Variants in PRKCQ observed in about 807,000 individuals in gnomAD.
PRKCQ encodes the protein protein kinase C theta.
In PRKCQ, 41 loss-of-function variants were observed where a neutral mutation model predicts 91.2. That is an observed-to-expected ratio of 0.45 (90% CI 0.35 to 0.58). PRKCQ has a LOEUF of 0.58. PRKCQ is among the 20% of genes least tolerant of loss of function. The pLI is 0.00. For missense variants in PRKCQ, 673 were observed against 896.5 expected, an observed-to-expected ratio of 0.75 and a Z score of 3.18; for synonymous variants, 307 against 316.9, an observed-to-expected ratio of 0.97 and a Z score of 0.33.
chr10:6,520,689 GT>G (rs1838968688), intron 1 of PRKCQ, among the ~76,000 whole-genome samples: 1 of 152,110 alleles, frequency 6.6e-6, no homozygotes, highest in Admixed American at 6.5e-5. Context: ...TCCATGGGAA[GT>G]TCTCAGCCCT....
chr10:6,568,793 C>T (rs548287882), intron 1 of PRKCQ, among the ~76,000 whole-genome samples: 133 of 152,140 alleles, frequency 8.7e-4, no homozygotes, highest in African/African-American at 3.0e-3. Context: ...CCACCGCGCC[C>T]GGCCAGTTTA....
In PRKCQ at chr10:6,455,054, A is replaced by G. The variant is rs1834935934; in HGVS notation, c.1647+1620T>C. On this transcript the variant is annotated intron_variant, in intron 15 of 17. Transcript: ENST00000263125. ...AGGTGTTGCAAGGTGAAGAGGAAAG[A>G]AATTGAGATGGCTCAGGTGAGGCTG... is the stretch of plus-strand genomic sequence containing the variant. 1.3e-5 allele frequency among the ~76,000 whole-genome samples: 2 copies of G among 152,170 alleles called. 1 individual carries two copies. Among genetic ancestry groups the G allele is most frequent in the South Asian group, 4.1e-4 (2 of 4,834 alleles).
intron 16 of PRKCQ, among the ~76,000 whole-genome samples, chr10:6,439,808 G>C (rs1833876669): frequency 6.6e-6 from 1 of 152,126 alleles, no homozygotes. Context: ...TAGGTTATTG[G>C]TGGTCGTTTT....
chr10:6,444,050 C>T (rs979847317), intron 15 of PRKCQ, among the ~76,000 whole-genome samples: 1 of 152,082 alleles, frequency 6.6e-6, no homozygotes, highest in Admixed American at 6.6e-5. Context: ...GATTGCACAA[C>T]TATACAATAC....
intron 16 of PRKCQ, among the ~76,000 whole-genome samples, chr10:6,435,824 T>C (rs981417499): frequency 2.0e-5 from 3 of 152,232 alleles, no homozygotes; most frequent in African/African-American, 7.2e-5. Flanking sequence ...CATTTAGAAC[T>C]TCTTTTTACT....
intron 1 of PRKCQ, among the ~76,000 whole-genome samples, chr10:6,519,907 T>C (rs1456730559): frequency 6.6e-6 from 1 of 152,186 alleles, no homozygotes; most frequent in Non-Finnish European, 1.5e-5. Context: ...CTTTCCCTCT[T>C]TGAAGAGAGA....
chr10:6,468,693 G>A (rs570355941), intron 12 of PRKCQ, among the ~76,000 whole-genome samples: 151 of 152,260 alleles, frequency 9.9e-4, no homozygotes, highest in African/African-American at 3.4e-3. Flanking sequence ...TTTTACACAA[G>A]AGAATATTTG....
chr10:6,429,788 T>C (rs1008374017), intron 17 of PRKCQ, among the ~76,000 whole-genome samples: 1 of 145,034 alleles, frequency 6.9e-6, no homozygotes, highest in Non-Finnish European at 1.5e-5. Flanking sequence ...CAGGCTGGAG[T>C]GCAGTGGTGT....
intron 12 of PRKCQ, among the ~76,000 whole-genome samples, chr10:6,475,837 G>A (rs1167942795): frequency 6.6e-6 from 1 of 152,206 alleles, no homozygotes; most frequent in African/African-American, 2.4e-5. Flanking sequence ...CGGGGTGTTG[G>A]AAAAGGTGAT....
intron 12 of PRKCQ, among the ~76,000 whole-genome samples, chr10:6,473,048 G>A (rs61321138): frequency 0.017 from 2,575 of 152,244 alleles, 80 homozygotes; most frequent in African/African-American, 0.059. Context: ...TCTTGTTAAA[G>A]ATTACCTTTT....
intron 1 of PRKCQ, among the ~76,000 whole-genome samples, chr10:6,579,521 T>C (rs973982619): frequency 1.1e-4 from 16 of 152,148 alleles, no homozygotes; most frequent in African/African-American, 3.9e-4. Context: ...CTCCCATTGA[T>C]AACGGTGGCT....
intron 16 of PRKCQ, 135 bp from the exon 17 acceptor site, chr10:6,431,073 T>G (rs1011771482): frequency 2.3e-5 from 27 of 1,168,560 alleles, no homozygotes; most frequent in South Asian, 4.9e-5. Flanking sequence ...CAGGACTGAC[T>G]AAAGTCAACC....
chr10:6,501,029 G>A (rs1171306958), intron 4 of PRKCQ, among the ~76,000 whole-genome samples: 2 of 152,100 alleles, frequency 1.3e-5, no homozygotes, highest in Non-Finnish European at 2.9e-5. Context: ...AAATTAAGAG[G>A]AAAACCTGGA....
intron 1 of PRKCQ, among the ~76,000 whole-genome samples, chr10:6,563,830 TG>T (rs1175082337): frequency 6.6e-6 from 1 of 152,168 alleles, no homozygotes; most frequent in African/African-American, 2.4e-5. Context: ...AGCCTGCCCT[TG>T]GGAGCTCACA....
intron 1 of PRKCQ, among the ~76,000 whole-genome samples, chr10:6,545,948 G>C (rs1839935499): frequency 6.6e-6 from 1 of 152,070 alleles, no homozygotes; most frequent in South Asian, 2.1e-4. Flanking sequence ...AGGTTGCAGT[G>C]AGCTGAGATT....
chr10:6,435,246 C>T (rs1241625767), intron 16 of PRKCQ, among the ~76,000 whole-genome samples: 6 of 152,346 alleles, frequency 3.9e-5, no homozygotes, highest in African/African-American at 9.6e-5. Context: ...CCAATGGCAA[C>T]GGGTCTGGCA....
intron 10 of PRKCQ, 36 bp from the exon 11 acceptor site, chr10:6,483,636 G>C: frequency 1.9e-6 from 3 of 1,608,708 alleles, no homozygotes; most frequent in Non-Finnish European, 2.5e-6. Context: ...AATGAACATG[G>C]AGTAATGGAG....
At chr10:6,499,050 T>C (rs1380074424) in intron 4 of PRKCQ, among the ~76,000 whole-genome samples, 1 of 152,204 alleles carries the variant, frequency 6.6e-6, no homozygotes, top group East Asian at 1.9e-4. Context: ...GTTGGAGACA[T>C]GCTGGAGTAG....
chr10:6,507,025 A>G (rs1473650887), intron 4 of PRKCQ, among the ~76,000 whole-genome samples: 1 of 152,218 alleles, frequency 6.6e-6, no homozygotes, highest in Admixed American at 6.5e-5. Context: ...ATTTTATGGA[A>G]TATATTGATT....
Sources: gnomAD v4.1 joint callset for allele counts (sites outside exome capture counted in the v4.1 genomes callset) on GRCh38, gnomAD v4.1.1 for gene constraint, MANE v1.5 for transcripts, NCBI Gene and HGNC (gene_info 2026-07-23, HGNC 2026-07-21) for gene names.